Variants in FDFT1 observed in about 807,000 individuals in gnomAD.
FDFT1 encodes squalene synthase.
FDFT1 carries 68 observed loss-of-function variants against 46.8 expected under a neutral mutation model. That is an observed-to-expected ratio of 1.45 (90% CI 1.19 to 1.78). The LOEUF (loss-of-function observed/expected upper bound fraction) is 1.78. Ranked by LOEUF, FDFT1 falls within the 40% of genes most tolerant of loss-of-function variation. The pLI, the probability that FDFT1 is intolerant of heterozygous loss-of-function variation, is 0.00. For synonymous variants in FDFT1, 351 were observed against 185.1 expected (o/e 1.90, Z -7.28); for missense variants, 928 against 524.4 (o/e 1.77, Z -7.52).
At chr8:11,825,934 G>A (rs1008993065) in intron 4 of FDFT1, 90 bp from the exon 5 acceptor site, 1 of 829,346 alleles carries the variant, frequency 1.2e-6, no homozygotes, top group Admixed American at 3.1e-5. Context: ...ATTCTCTTTT[G>A]AACCTGCTTT....
upstream of FDFT1, among the ~76,000 whole-genome samples, chr8:11,797,362 G>C (rs1805663952): frequency 6.6e-6 from 1 of 152,156 alleles, no homozygotes; most frequent in African/African-American, 2.4e-5. Context: ...TCAGACTGAG[G>C]GAGCTGGATT....
At chr8:11,828,359 T>C (rs1453447346) in intron 5 of FDFT1, among the ~76,000 whole-genome samples, 1 of 152,236 alleles carries the variant, frequency 6.6e-6, no homozygotes, top group Non-Finnish European at 1.5e-5. Context: ...CTTTTAAGTT[T>C]CCTAGGTGAC....
intron 7 of FDFT1, among the ~76,000 whole-genome samples, chr8:11,835,286 A>G (rs538913822): frequency 6.6e-6 from 1 of 152,194 alleles, no homozygotes; most frequent in Non-Finnish European, 1.5e-5. Flanking sequence ...GCCTTCAGGT[A>G]AATGGAGAGT....
chr8:11,824,408 A>T (rs931935587), intron 4 of FDFT1, among the ~76,000 whole-genome samples: 8 of 152,158 alleles, frequency 5.3e-5, no homozygotes, highest in African/African-American at 1.9e-4. Context: ...AGAAAAACTA[A>T]AAAGAAAAGG....
At chr8:11,805,087 T>TA (rs1806657812) in intron 1 of FDFT1, among the ~76,000 whole-genome samples, 1 of 76,322 alleles carries the variant, frequency 1.3e-5, no homozygotes, top group Admixed American at 1.3e-4. Flanking sequence ...GGCTAATTTT[T>TA]AAATTTTTTT....
At chr8:11,808,305 C>T in intron 1 of FDFT1, 1 of 1,227,194 alleles carries the variant, frequency 8.1e-7, no homozygotes, top group Non-Finnish European at 1.0e-6. Context: ...CCCTTAGCGG[C>T]CAGTGGGTTC....
chr8:11,813,600 G>A (rs569355082), intron 3 of FDFT1, among the ~76,000 whole-genome samples: 1 of 152,244 alleles, frequency 6.6e-6, no homozygotes, highest in East Asian at 1.9e-4. Flanking sequence ...TGAGTCACTC[G>A]CATACTTTAC....
chr8:11,810,443 C>T (rs1348505794), intron 3 of FDFT1, among the ~76,000 whole-genome samples: 1 of 152,190 alleles, frequency 6.6e-6, no homozygotes, highest in Non-Finnish European at 1.5e-5. Context: ...ACCTGTGATC[C>T]TGGGCAAGTT....
upstream of FDFT1, among the ~76,000 whole-genome samples, chr8:11,801,258 A>G (rs1315145573): frequency 6.6e-6 from 1 of 152,212 alleles, no homozygotes; most frequent in Non-Finnish European, 1.5e-5. Flanking sequence ...GGATCCCTAT[A>G]GGTGCTTTGG....
intron 7 of FDFT1, among the ~76,000 whole-genome samples, chr8:11,837,890 C>T (rs762793624): frequency 2.0e-5 from 3 of 152,138 alleles, no homozygotes; most frequent in Non-Finnish European, 4.4e-5. Flanking sequence ...GGGAGGGAGG[C>T]ACAGGGAGGA....
At chr8:11,836,464 G>C (rs1210491006) in intron 7 of FDFT1, among the ~76,000 whole-genome samples, 1 of 152,246 alleles carries the variant, frequency 6.6e-6, no homozygotes, top group Non-Finnish European at 1.5e-5. Context: ...CCCAGAGGAG[G>C]TGAGGGCCAC....
chr8:11,807,001 C>T (rs997238386), intron 1 of FDFT1, among the ~76,000 whole-genome samples: 2 of 141,156 alleles, frequency 1.4e-5, no homozygotes, highest in African/African-American at 5.0e-5. Context: ...TGGCAAAATA[C>T]GTATTCATGA....
At chr8:11,817,232 G>A (rs761389325) in intron 3 of FDFT1, among the ~76,000 whole-genome samples, 127 of 152,216 alleles carry the variant, frequency 8.3e-4, no homozygotes, top group Admixed American at 1.3e-3. Context: ...CTTGATCGTG[G>A]TGGATAAGCT....
chr8:11,831,822 A>C (rs1032337358), intron 7 of FDFT1, 152 bp downstream of exon 7: 2 of 687,562 alleles, frequency 2.9e-6, no homozygotes, highest in Non-Finnish European at 5.0e-6. Context: ...ATAAGGAAAA[A>C]AGTCTATTCA....
intron 4 of FDFT1, among the ~76,000 whole-genome samples, chr8:11,823,532 C>T (rs1265292982): frequency 6.6e-6 from 1 of 152,082 alleles, no homozygotes; most frequent in Non-Finnish European, 1.5e-5. Context: ...CCTGTGCATT[C>T]TTCCCCCTGA....
intron 4 of FDFT1, among the ~76,000 whole-genome samples, chr8:11,823,713 G>A (rs1809573620): frequency 6.6e-6 from 1 of 152,030 alleles, no homozygotes; most frequent in South Asian, 2.1e-4. Context: ...GGGACCACAG[G>A]CACGTTGCCA....
chr8:11,829,292 C>T (rs1810443247), intron 5 of FDFT1, among the ~76,000 whole-genome samples: 1 of 152,174 alleles, frequency 6.6e-6, no homozygotes, highest in Non-Finnish European at 1.5e-5. Context: ...ATATAACCAT[C>T]AACACTATGT....
intron 4 of FDFT1, among the ~76,000 whole-genome samples, chr8:11,825,581 G>A (rs1382551534): frequency 1.3e-5 from 2 of 151,268 alleles, no homozygotes; most frequent in Non-Finnish European, 2.9e-5. Context: ...AGCTAGACAC[G>A]GTGGTATTTG....
intron 2 of FDFT1, chr8:11,809,328 T>A (rs1316365486): frequency 9.1e-7 from 1 of 1,093,516 alleles, no homozygotes; most frequent in Non-Finnish European, 1.1e-6. Context: ...GTTACTGTGT[T>A]TTTTGACTTT....
Sources: allele counts gnomAD v4.1 joint callset (sites outside exome capture counted in the v4.1 genomes callset), GRCh38; gene constraint gnomAD v4.1.1; transcripts MANE v1.5; gene names NCBI Gene and HGNC (gene_info 2026-07-23, HGNC 2026-07-21).